TNKS2: variants seen among roughly 807,000 people sequenced by gnomAD.
The protein encoded by TNKS2 is tankyrase 2.
In TNKS2, 72 loss-of-function variants were observed where a neutral mutation model predicts 137.6. That is an observed-to-expected ratio of 0.52 (90% CI 0.43 to 0.64). The LOEUF (loss-of-function observed/expected upper bound fraction) is 0.64, where lower values mean the gene tolerates loss of function less well. Among genes scored for constraint, TNKS2 ranks in the 30% least tolerant of loss-of-function variants. The pLI, the probability that TNKS2 is intolerant of heterozygous loss-of-function variation, is 0.00. For synonymous variants in TNKS2, 516 were observed against 512.1 expected (o/e 1.01, Z -0.10); for missense variants, 1,049 against 1,410.2 (o/e 0.74, Z 4.10).
At chr10:91,813,526 A>T (rs1327902860) in intron 2 of TNKS2, among the ~76,000 whole-genome samples, 3 of 152,204 alleles carry the variant, frequency 2.0e-5, no homozygotes, top group Non-Finnish European at 4.4e-5. Context: ...ACTTGGCAGG[A>T]TCAAGTCAAG....
intron 2 of TNKS2, among the ~76,000 whole-genome samples, chr10:91,815,637 T>G (rs886904399): frequency 1.3e-5 from 2 of 152,124 alleles, no homozygotes; most frequent in Non-Finnish European, 1.5e-5. Flanking sequence ...ATAATATAAA[T>G]GTAAATATTG....
chr10:91,809,723 G>A (rs1283178534), intron 1 of TNKS2, among the ~76,000 whole-genome samples: 1 of 151,272 alleles, frequency 6.6e-6, no homozygotes, highest in Non-Finnish European at 1.5e-5. Flanking sequence ...ATGGCACATA[G>A]CATTCTAAAA....
At position 91,828,535 on chromosome 10, in the gene TNKS2, A is replaced by T. The variant is rs561659772; in HGVS notation, c.1104+129A>T. ...TTAAAAAATTACTGCCTATGCAAAT[A>T]TTTTTTAAAAATTTAAACAGTACCA... On this transcript the variant is annotated intron_variant, in intron 9 of 26. Transcript: ENST00000371627. 1.6e-4 allele frequency: 163 copies of T among 1,032,966 alleles called. 2 individuals carry two copies. The highest frequency in any genetic ancestry group is 1.2e-3 in the Middle Eastern group (4 of 3,408). The allele number at this position is 1,032,966 out of a possible 1,614,324, so 64.0% of individuals were successfully genotyped here.
At chr10:91,811,487 A>G (rs545273798) in intron 1 of TNKS2, among the ~76,000 whole-genome samples, 48 of 152,088 alleles carry the variant, frequency 3.2e-4, no homozygotes, top group African/African-American at 1.0e-3. Context: ...TAGCAATTAT[A>G]TTGTATTGAA....
intron 7 of TNKS2, 135 bp downstream of exon 7, chr10:91,822,497 TA>T: frequency 4.6e-6 from 3 of 656,406 alleles, no homozygotes; most frequent in Non-Finnish European, 5.2e-6. Context: ...ATAAGCATTA[TA>T]AAATATAGGT....
intron 1 of TNKS2, among the ~76,000 whole-genome samples, chr10:91,801,444 C>T (rs1175964535): frequency 1.3e-5 from 2 of 151,636 alleles, no homozygotes; most frequent in East Asian, 1.9e-4. Context: ...CCACTGCCCC[C>T]GACCATACGC....
Position 91,842,288 on chromosome 10 carries a change from T to G in TNKS2, c.1956T>G (p.Ala652=). ...GGGGAGATGCAGCTTTGCTAGATGC[T>G]GCCAAGAAGGGTTGTTTAGCCAGAG... ...LLRGDAALLD[A]AKKGCLARVK... The change falls in exon 16 of 27, where the codon GCT becomes GCG. Residue 652 remains alanine, a synonymous_variant. Transcript: ENST00000371627. 1 of 1,614,168 alleles carries G rather than the reference T, an allele frequency of 6.2e-7. No homozygotes were observed. The highest frequency in any genetic ancestry group is 8.5e-7 in the Non-Finnish European group (1 of 1,180,002).
At chr10:91,836,741 T>C in intron 12 of TNKS2, 178 bp from the exon 13 acceptor site, 1 of 985,454 alleles carries the variant, frequency 1.0e-6, no homozygotes, top group Non-Finnish European at 1.2e-6. Context: ...TCAAAGAGTT[T>C]TAAGAGAATC....
intron 11 of TNKS2, among the ~76,000 whole-genome samples, chr10:91,831,588 C>A (rs910704337): frequency 1.3e-5 from 2 of 152,076 alleles, no homozygotes; most frequent in Non-Finnish European, 2.9e-5. Flanking sequence ...TGTAACTAAG[C>A]CAAAGGACTT....
intron 13 of TNKS2, among the ~76,000 whole-genome samples, chr10:91,838,079 G>A (rs1425096382): frequency 1.5e-5 from 2 of 136,570 alleles, no homozygotes; most frequent in Non-Finnish European, 3.1e-5. Flanking sequence ...TTTGTGGGAA[G>A]GGAGAGATAC....
rs564051532 is a variant in TNKS2 at position 91,845,789 on chromosome 10, C to G, written c.2207C>G (p.Ala736Gly). The change falls in exon 18 of 27, where the codon GCA becomes GGA. Residue 736 changes from alanine to glycine, a missense_variant. Around this residue, in one of 6 missense-constraint regions of TNKS2, gnomAD observed 328 missense variants for 436.0 expected, o/e 0.75. Transcript: ENST00000371627. ...DVAALLIKYN[A>G]CVNATDKWAF... ...GCAGCTCTACTAATAAAGTATAATG[C>G]ATGTGTCAATGCCACGGACAAATGG... 1 of 1,598,600 alleles carries G rather than the reference C, an allele frequency of 6.3e-7. No individual in the cohort carries two copies. Among genetic ancestry groups the G allele is most frequent in the Non-Finnish European group, 8.6e-7 (1 of 1,168,768 alleles).
intron 1 of TNKS2, among the ~76,000 whole-genome samples, chr10:91,810,513 G>A (rs1564604058): frequency 1.3e-5 from 2 of 151,444 alleles, no homozygotes; most frequent in African/African-American, 4.9e-5. Flanking sequence ...GTTTTGTTTT[G>A]TTTTTTTGAG....
rs1488330219 is a variant in TNKS2 at position 91,841,290 on chromosome 10, G to A, written c.1681G>A (p.Val561Ile). 6.4e-7 allele frequency: 1 copy of A among 1,559,786 alleles called. No homozygotes were observed. The highest frequency in any genetic ancestry group is 8.7e-7 in the Non-Finnish European group (1 of 1,155,220). ...TCATTTATTACTTTTCAGAGGCCTT[G>A]TACCTTTGCACAATGCATGTTCTTA... ...DVHAKDKGGL[V>I]PLHNACSYGH... Residue 561 changes from valine to isoleucine, a missense_variant, in exon 15 of 27, where the codon GTA becomes ATA. Transcript: ENST00000371627.
rs180859516 is a variant in TNKS2 at position 91,813,344 on chromosome 10, A to G, written c.424+137A>G. The G allele has an allele frequency of 1.8e-3, 1,442 of 814,092 alleles. 5 individuals are homozygous for G. Among genetic ancestry groups the G allele is most frequent in the Non-Finnish European group, 2.4e-3 (1,280 of 526,162 alleles). 50.4% of individuals were successfully genotyped at this position (814,092 alleles called of 1,614,324 possible). A position where few individuals can be genotyped will look rare whatever the true frequency, so the allele number is the denominator to read the frequency against. On this transcript the variant is annotated intron_variant, in intron 2 of 26. Coordinates refer to ENST00000371627, the MANE Select transcript of TNKS2 (RefSeq NM_025235.4). ...GAACATCCCATGATTTAATCTAACT[A>G]CTATTTACTGAGTGTCTTTTTGTGT...
intron 21 of TNKS2, among the ~76,000 whole-genome samples, chr10:91,853,653 T>C (rs1842621123): frequency 6.6e-6 from 1 of 152,252 alleles, no homozygotes; most frequent in South Asian, 2.1e-4. Flanking sequence ...ATCTTGTATA[T>C]GTTGCAGATG....
intron 12 of TNKS2, among the ~76,000 whole-genome samples, chr10:91,834,917 A>G (rs1237241968): frequency 1.3e-5 from 2 of 152,198 alleles, no homozygotes; most frequent in African/African-American, 2.4e-5. Flanking sequence ...TTGCCTTTCC[A>G]ACTAGTTTCT....
At chr10:91,858,899 C>T (rs1478311456) in intron 24 of TNKS2, among the ~76,000 whole-genome samples, 1 of 152,112 alleles carries the variant, frequency 6.6e-6, no homozygotes, top group East Asian at 1.9e-4. Context: ...GTCCCAGCTA[C>T]TCAGGAGGCT....
chr10:91,813,573 A>T (rs943358873), intron 2 of TNKS2, among the ~76,000 whole-genome samples: 1 of 152,324 alleles, frequency 6.6e-6, no homozygotes, highest in East Asian at 1.9e-4. Flanking sequence ...AGAAAGGGAA[A>T]GTCTTTCCAG....
intron 1 of TNKS2, chr10:91,812,600 T>C (rs1844544974): frequency 5.6e-6 from 1 of 179,372 alleles, no homozygotes; most frequent in African/African-American, 2.4e-5. Context: ...TATCATAAGG[T>C]TGTGATTTAC....
Sources: gnomAD v4.1 joint callset for allele counts (sites outside exome capture counted in the v4.1 genomes callset) on GRCh38, gnomAD v4.1.1 for gene constraint, gnomAD v4.1.1 regional missense constraint, MANE v1.5 for transcripts, NCBI Gene and HGNC (gene_info 2026-07-23, HGNC 2026-07-21) for gene names.